NUP58: variants seen among roughly 807,000 people sequenced by gnomAD.
NUP58 encodes the protein nucleoporin p58/p45.
Under a neutral mutation model 70.1 loss-of-function variants are expected in NUP58, and 17 were observed. The observed-to-expected ratio is 0.24, with a 90% CI of 0.17 to 0.36. The LOEUF is 0.36. NUP58 is among the 10% of genes least tolerant of loss of function. The pLI is 1.00. For synonymous variants in NUP58, 275 were observed against 257.6 expected (o/e 1.07, Z -0.65); for missense variants, 644 against 701.5 (o/e 0.92, Z 0.93).
intron 12 of NUP58, among the ~76,000 whole-genome samples, chr13:25,329,861 T>C (rs1036268240): frequency 6.6e-6 from 1 of 152,170 alleles, no homozygotes; most frequent in Non-Finnish European, 1.5e-5. Context: ...CTTGCTCTGT[T>C]GCCTATGCTA....
chr13:25,346,505 A>C (rs1423976560), downstream of NUP58, among the ~76,000 whole-genome samples: 2 of 152,116 alleles, frequency 1.3e-5, no homozygotes, highest in African/African-American at 4.8e-5. Flanking sequence ...AGATCACCTG[A>C]GGTCGGGAGT....
chr13:25,346,347 C>A (rs1392687674), downstream of NUP58, among the ~76,000 whole-genome samples: 1 of 151,980 alleles, frequency 6.6e-6, no homozygotes, highest in African/African-American at 2.4e-5. Context: ...GAATTCAAAC[C>A]CAGGCAGTCT....
intron 5 of NUP58, among the ~76,000 whole-genome samples, chr13:25,314,573 T>C (rs1249976517): frequency 2.0e-5 from 3 of 152,118 alleles, no homozygotes; most frequent in Non-Finnish European, 4.4e-5. Flanking sequence ...TGCATGCCTG[T>C]AATCCAAGCT....
chr13:25,307,719 T>G (rs972018336), intron 1 of NUP58, 87 bp from the exon 2 acceptor site: 23 of 1,299,560 alleles, frequency 1.8e-5, no homozygotes, highest in Non-Finnish European at 2.4e-5. Context: ...GAAGAGTTAA[T>G]TTTTATTTTT....
intron 15 of NUP58, among the ~76,000 whole-genome samples, chr13:25,339,312 A>G (rs547291582): frequency 1.3e-5 from 2 of 152,312 alleles, no homozygotes; most frequent in Admixed American, 6.5e-5. Flanking sequence ...TAATGTAATG[A>G]CATAATACTG....
At chr13:25,309,345 G>T in intron 3 of NUP58, 63 bp downstream of exon 3, 1 of 1,255,888 alleles carries the variant, frequency 8.0e-7, no homozygotes, top group East Asian at 2.3e-5. Context: ...TAAATTGAGT[G>T]ATCTTTCTAC....
chr13:25,325,412 A>C (rs533067262), intron 10 of NUP58, among the ~76,000 whole-genome samples: 2 of 152,332 alleles, frequency 1.3e-5, no homozygotes, highest in African/African-American at 4.8e-5. Context: ...TTCTGGAAGA[A>C]AAATTAGAAA....
At chr13:25,309,542 T>TA in intron 3 of NUP58, 1 of 355,562 alleles carries the variant, frequency 2.8e-6, no homozygotes, top group Non-Finnish European at 5.0e-6. Flanking sequence ...GTTTATTTCA[T>TA]ATTACTTTTT....
chr13:25,320,690 G>A, intron 8 of NUP58, 95 bp downstream of exon 8: 2 of 907,964 alleles, frequency 2.2e-6, no homozygotes, highest in Admixed American at 2.7e-5. Flanking sequence ...GCATCCTAGA[G>A]GAGCATCTCT....
rs1242722113 is a variant in NUP58 at position 25,301,888 on chromosome 13, C to T, written c.107+8C>T. The T allele has an allele frequency of 1.3e-6, 2 of 1,590,620 alleles. No individual in the cohort carries two copies. The highest frequency in any genetic ancestry group is 1.7e-6 in the Non-Finnish European group (2 of 1,160,562). ...CGGAACGGGAGCGTCTAGGTAACCG[C>T]ACTTTCTCGCCTTCCTGGGCCGGAT... On this transcript the variant is annotated splice_region_variant and intron_variant, in intron 1 of 15. Coordinates refer to ENST00000381736, the MANE Select transcript of NUP58 (RefSeq NM_014089.4).
intron 7 of NUP58, among the ~76,000 whole-genome samples, chr13:25,319,931 A>T (rs2031110691): frequency 6.6e-6 from 1 of 152,144 alleles, no homozygotes; most frequent in Admixed American, 6.5e-5. Flanking sequence ...AGAAACTAAG[A>T]TCTGCATAAG....
chr13:25,313,005 T>A lies in NUP58; in HGVS notation c.409T>A (p.Ser137Thr), dbSNP rs769818420. The A allele has an allele frequency of 6.2e-7, 1 of 1,614,078 alleles. No individual in the cohort carries two copies. The highest frequency in any genetic ancestry group is 8.5e-7 in the Non-Finnish European group (1 of 1,180,000). Residue 137 changes from serine to threonine, a missense_variant, in exon 4 of 16, where the codon TCG becomes ACG. By Grantham distance (58) the Ser-to-Thr change is moderately conservative. Transcript: ENST00000381736. The part of the protein sequence containing the change: ...TSTSASGLTL[S>T]SALTSTPAAS... ...TACCTCAGCTAGCGGTCTGACTCTT[T>A]CGTCTGCTCTGACATCAACTCCAGC... is the stretch of plus-strand genomic sequence containing the variant.
chr13:25,323,810 A>G (rs971287892), intron 9 of NUP58, among the ~76,000 whole-genome samples: 7 of 152,188 alleles, frequency 4.6e-5, no homozygotes, highest in Non-Finnish European at 4.4e-5. Context: ...CAGTCATTCA[A>G]CTAACATTTT....
At chr13:25,332,189 G>A in intron 13 of NUP58, 1 of 986,072 alleles carries the variant, frequency 1.0e-6, no homozygotes, top group Non-Finnish European at 1.2e-6. Flanking sequence ...GTTTTGAGAT[G>A]TGGATTGCAC....
In NUP58 at chr13:25,320,957, T is replaced by G. The variant is rs760087514; in HGVS notation, c.815T>G (p.Ile272Ser). ...GAGCAGAAACAAGTTCAAGAAGAAA[T>G]TAGTAGAATGTCTTCAAAAGCAATG... ...VKEQKQVQEE[I>S]SRMSSKAMLK... is the part of the protein sequence containing the mutation. Residue 272 changes from isoleucine to serine, a missense_variant, in exon 9 of 16, where the codon ATT becomes AGT. By Grantham distance (142) the Ile-to-Ser change is moderately radical. This residue lies in a region of NUP58 where 430 missense variants were observed against 409.2 expected (regional missense o/e 1.05). Coordinates refer to ENST00000381736, the MANE Select transcript of NUP58 (RefSeq NM_014089.4). 6.4e-7 allele frequency: 1 copy of G among 1,574,708 alleles called. No homozygotes were observed. The highest frequency in any genetic ancestry group is 8.6e-7 in the Non-Finnish European group (1 of 1,167,492).
intron 3 of NUP58, among the ~76,000 whole-genome samples, chr13:25,312,403 T>C (rs1426418554): frequency 6.6e-6 from 1 of 152,180 alleles, no homozygotes; most frequent in Non-Finnish European, 1.5e-5. Flanking sequence ...GTCTCACTCT[T>C]GTCTCCCAGG....
intron 4 of NUP58, 91 bp from the exon 5 acceptor site, chr13:25,313,523 A>G: frequency 8.5e-7 from 1 of 1,180,650 alleles, no homozygotes; most frequent in Non-Finnish European, 1.1e-6. Flanking sequence ...TTTATCATGG[A>G]TGTCAGTTTT....
intron 9 of NUP58, among the ~76,000 whole-genome samples, chr13:25,324,787 G>T (rs111991112): frequency 1.3e-5 from 2 of 152,094 alleles, no homozygotes; most frequent in African/African-American, 4.8e-5. Flanking sequence ...TTATAAGTTT[G>T]TTAAAACTGT....
At chr13:25,343,149 A>G (rs1593206069), downstream of NUP58, among the ~76,000 whole-genome samples, 1 of 152,052 alleles carries the variant, frequency 6.6e-6, no homozygotes, top group South Asian at 2.1e-4. Flanking sequence ...CCCAGTTTGT[A>G]GCCTTTTATC....
Sources: gnomAD v4.1 joint callset for allele counts (sites outside exome capture counted in the v4.1 genomes callset) on GRCh38, gnomAD v4.1.1 for gene constraint, gnomAD v4.1.1 regional missense constraint, MANE v1.5 for transcripts, NCBI Gene and HGNC (gene_info 2026-07-23, HGNC 2026-07-21) for gene names.